The following AGBL4 variants were observed in gnomAD, a reference collection of about 807,000 sequenced individuals.
The protein encoded by AGBL4 is cytosolic carboxypeptidase 6.
AGBL4 carries 58 observed loss-of-function variants against 66.4 expected under a neutral mutation model. The ratio of observed to expected loss-of-function variants is 0.87; its 90% CI spans 0.71 to 1.09. The LOEUF (loss-of-function observed/expected upper bound fraction) is 1.09, where lower values mean the gene tolerates loss of function less well. Among genes scored for constraint, AGBL4 ranks in the 50% least tolerant of loss-of-function variants. The pLI, the probability that AGBL4 is intolerant of heterozygous loss-of-function variation, is 0.00. For synonymous variants in AGBL4, 234 were observed against 222.9 expected, an observed-to-expected ratio of 1.05 and a Z score of -0.44; for missense variants, 579 against 631.0, an observed-to-expected ratio of 0.92 and a Z score of 0.88.
intron 3 of AGBL4, among the ~76,000 whole-genome samples, chr1:49,253,562 C>T (rs753496603): frequency 6.6e-6 from 1 of 152,034 alleles, no homozygotes; most frequent in African/African-American, 2.4e-5. Flanking sequence ...AGCTGGGGAC[C>T]AGATGGATTC....
chr1:49,333,512 A>C (rs1325453937), intron 3 of AGBL4, among the ~76,000 whole-genome samples: 1 of 152,132 alleles, frequency 6.6e-6, no homozygotes, highest in South Asian at 2.1e-4. Context: ...AAACAAAAAA[A>C]CCATAAAATT....
At chr1:48,702,126 A>G (rs1646811713) in intron 6 of AGBL4, among the ~76,000 whole-genome samples, 1 of 152,172 alleles carries the variant, frequency 6.6e-6, no homozygotes, top group Non-Finnish European at 1.5e-5. Flanking sequence ...TACTTCCTGC[A>G]TGTCCTGTCC....
chr1:49,716,449 C>G (rs944927224), intron 2 of AGBL4, among the ~76,000 whole-genome samples: 1 of 151,918 alleles, frequency 6.6e-6, no homozygotes, highest in Admixed American at 6.6e-5. Flanking sequence ...CTTTTTGGTT[C>G]CGTATGAAAT....
At chr1:49,523,247 T>C (rs1053907777) in intron 3 of AGBL4, among the ~76,000 whole-genome samples, 1 of 151,956 alleles carries the variant, frequency 6.6e-6, no homozygotes, top group Non-Finnish European at 1.5e-5. Context: ...CAAAAGAACA[T>C]TTTAGTGAGG....
chr1:48,706,088 C>T (rs779221697), intron 6 of AGBL4, among the ~76,000 whole-genome samples: 7 of 152,120 alleles, frequency 4.6e-5, no homozygotes, highest in Non-Finnish European at 1.0e-4. Flanking sequence ...GTGCTTAACT[C>T]CAGGGTAAAC....
At chr1:48,707,353 A>T (rs1031851845) in intron 6 of AGBL4, among the ~76,000 whole-genome samples, 5 of 152,158 alleles carry the variant, frequency 3.3e-5, no homozygotes, top group African/African-American at 1.2e-4. Flanking sequence ...GTCTTGGCCT[A>T]GTAAGAAGAA....
chr1:48,715,273 T>C (rs1297574821), intron 6 of AGBL4, among the ~76,000 whole-genome samples: 1 of 152,076 alleles, frequency 6.6e-6, no homozygotes, highest in African/African-American at 2.4e-5. Context: ...AGCAGTTGCC[T>C]CCCCTGGGAC....
intron 3 of AGBL4, among the ~76,000 whole-genome samples, chr1:49,419,176 T>C (rs1645490542): frequency 6.6e-6 from 1 of 152,196 alleles, no homozygotes; most frequent in South Asian, 2.1e-4. Context: ...ACATATTAAG[T>C]GTTCTCCCAG....
At chr1:49,695,201 G>T (rs2124608611) in intron 3 of AGBL4, among the ~76,000 whole-genome samples, 1 of 152,232 alleles carries the variant, frequency 6.6e-6, no homozygotes, top group Non-Finnish European at 1.5e-5. Flanking sequence ...CTGCTTCTAA[G>T]AAAATGTTTT....
intron 4 of AGBL4, among the ~76,000 whole-genome samples, chr1:49,241,602 CTA>C (rs1195792049): frequency 2.6e-5 from 4 of 151,968 alleles, no homozygotes; most frequent in Non-Finnish European, 5.9e-5. Context: ...AGCTATGAGA[CTA>C]TGAAACATAT....
intron 6 of AGBL4, among the ~76,000 whole-genome samples, chr1:48,839,720 A>G (rs1646756665): frequency 1.3e-5 from 2 of 152,256 alleles, no homozygotes; most frequent in South Asian, 4.1e-4. Context: ...CCCAGGAAAA[A>G]TAAGAAATGG....
At chr1:49,198,234 C>T (rs2148223247) in intron 4 of AGBL4, among the ~76,000 whole-genome samples, 2 of 152,170 alleles carry the variant, frequency 1.3e-5, no homozygotes, top group Non-Finnish European at 2.9e-5. Flanking sequence ...GACTACTTTC[C>T]CACTTTCTCT....
chr1:49,445,209 T>C (rs1243817967), intron 3 of AGBL4, among the ~76,000 whole-genome samples: 1 of 152,080 alleles, frequency 6.6e-6, no homozygotes, highest in Non-Finnish European at 1.5e-5. Flanking sequence ...GTCTATAAAA[T>C]GTCTGCTGAA....
chr1:49,221,154 T>G (rs1019053320), intron 4 of AGBL4, among the ~76,000 whole-genome samples: 11 of 152,100 alleles, frequency 7.2e-5, no homozygotes, highest in Non-Finnish European at 1.5e-4. Context: ...CGGGATTCCA[T>G]TGTGCTATAT....
At chr1:48,764,330 G>A (rs1180039394) in intron 6 of AGBL4, among the ~76,000 whole-genome samples, 4 of 152,150 alleles carry the variant, frequency 2.6e-5, no homozygotes, top group African/African-American at 4.8e-5. Flanking sequence ...TCCTACTCAC[G>A]TTGCAGAACT....
intron 3 of AGBL4, among the ~76,000 whole-genome samples, chr1:49,554,944 C>T (rs1332149493): frequency 1.3e-5 from 2 of 152,218 alleles, no homozygotes; most frequent in African/African-American, 2.4e-5. Context: ...CAGACCTTCA[C>T]GGTGAGTGTT....
intron 4 of AGBL4, among the ~76,000 whole-genome samples, chr1:49,178,738 T>G (rs1267018457): frequency 6.6e-6 from 1 of 152,120 alleles, no homozygotes; most frequent in Non-Finnish European, 1.5e-5. Context: ...GTTACTGGGG[T>G]TGAGTGAGCT....
chr1:49,290,827 G>A (rs1476134342), intron 3 of AGBL4, among the ~76,000 whole-genome samples: 1 of 152,070 alleles, frequency 6.6e-6, no homozygotes, highest in East Asian at 1.9e-4. Flanking sequence ...GTGAGACCTC[G>A]TTTTTACAAA....
chr1:48,808,867 C>T (rs1645989107), intron 6 of AGBL4, among the ~76,000 whole-genome samples: 1 of 152,198 alleles, frequency 6.6e-6, no homozygotes, highest in Non-Finnish European at 1.5e-5. Flanking sequence ...AAGTGAAGAG[C>T]TGCACAGAAA....
Sources: gnomAD v4.1 joint callset for allele counts (sites outside exome capture counted in the v4.1 genomes callset) on GRCh38, gnomAD v4.1.1 for gene constraint, MANE v1.5 for transcripts, NCBI Gene and HGNC (gene_info 2026-07-23, HGNC 2026-07-21) for gene names.